The following DERA variants were observed in gnomAD, a reference collection of about 807,000 sequenced individuals.
The protein encoded by DERA is 2-deoxy-D-ribose 5-phosphate aldolase.
In DERA, 15 loss-of-function variants were observed where a neutral mutation model predicts 41.1. The observed-to-expected ratio is 0.37, with a 90% CI of 0.24 to 0.56. The LOEUF (loss-of-function observed/expected upper bound fraction) is 0.56. DERA is among the 20% of genes least tolerant of loss of function. DERA has a pLI of 0.81. For missense variants in DERA, 396 were observed against 403.4 expected (o/e 0.98, Z 0.16); for synonymous variants, 139 against 137.4 (o/e 1.01, Z -0.08).
At chr12:15,997,432 C>T (rs981885241) in intron 6 of DERA, among the ~76,000 whole-genome samples, 58 of 151,966 alleles carry the variant, frequency 3.8e-4, no homozygotes, top group African/African-American at 1.2e-3. Flanking sequence ...TGAAGCAAGA[C>T]AAAGGTTACA....
chr12:16,002,362 C>G (rs1174607480), intron 6 of DERA, among the ~76,000 whole-genome samples: 2 of 152,040 alleles, frequency 1.3e-5, no homozygotes, highest in African/African-American at 4.8e-5. Context: ...AAATGTGGCT[C>G]TTATGTGTGA....
rs146879113 is a variant in DERA at position 15,988,273 on chromosome 12, G to A, written c.637+5837G>A. On this transcript the variant is annotated intron_variant, in intron 6 of 8. Transcript: ENST00000428559. This position sits in a 1 kb window ranked among gnomAD's most constrained non-coding sequence, Gnocchi z 6.0. ...TTTGTGTTACAGCTCTTTCAGTCCCGCCATTTGGTGGGTCCTGAGTTCTTG... is the reference window on the plus strand; with the variant it reads ...TTTGTGTTACAGCTCTTTCAGTCCCACCATTTGGTGGGTCCTGAGTTCTTG... 0.023 allele frequency among the ~76,000 whole-genome samples: 3,503 copies of A among 152,280 alleles called. 60 individuals carry two copies. Among genetic ancestry groups the A allele is most frequent in the Middle Eastern group, 0.041 (12 of 294 alleles).
chr12:15,926,542 C>G (rs1185951569), intron 1 of DERA, among the ~76,000 whole-genome samples: 1 of 151,962 alleles, frequency 6.6e-6, no homozygotes, highest in Non-Finnish European at 1.5e-5. Flanking sequence ...CGAGACCATC[C>G]TGGCTAACAC....
At chr12:15,963,951 T>A (rs958667385) in intron 5 of DERA, among the ~76,000 whole-genome samples, 1 of 152,216 alleles carries the variant, frequency 6.6e-6, no homozygotes, top group African/African-American at 2.4e-5. Context: ...CTTTTGGTTA[T>A]GAAGTAGCAA....
In DERA at chr12:16,035,156, G is replaced by C. The variant is rs149299327; in HGVS notation, c.751-1076G>C. Among the ~76,000 whole-genome samples, 1,110 of 152,106 alleles carry C rather than the reference G, an allele frequency of 7.3e-3. 13 individuals are homozygous for C. Among genetic ancestry groups the C allele is most frequent in the African/African-American group, 0.025 (1,038 of 41,506 alleles). ...GGAAAGAGTGCATGTGAGGGGGTAA[G>C]GAAGGTAAGGAGGTAGAATTGTCAG... On this transcript the variant is annotated intron_variant, in intron 7 of 8. Coordinates refer to ENST00000428559, the MANE Select transcript of DERA (RefSeq NM_015954.4). The surrounding 1 kb of genome is among the most constrained non-coding windows in gnomAD (Gnocchi z 4.1).
chr12:15,993,760 G>T lies in DERA; in HGVS notation c.637+11324G>T, dbSNP rs886787010. 1.3e-5 allele frequency among the ~76,000 whole-genome samples: 2 copies of T among 152,000 alleles called. No homozygotes were observed. The highest frequency in any genetic ancestry group is 4.8e-5 in the African/African-American group (2 of 41,400). On this transcript the variant is annotated intron_variant, in intron 6 of 8. Transcript: ENST00000428559. This position sits in a 1 kb window ranked among gnomAD's most constrained non-coding sequence, Gnocchi z 4.4. ...GGTCCCCAAGCAAAAATTTTATAAA[G>T]TTTACCCCCACCTGGCCCCTCGCTA...
In DERA at chr12:15,964,246, C is replaced by T. The variant is rs146199901; in HGVS notation, c.508+1299C>T. Among the ~76,000 whole-genome samples the T allele has an allele frequency of 6.7e-3, 1,019 of 152,276 alleles. 8 individuals are homozygous for T. The highest frequency in any genetic ancestry group is 0.031 in the South Asian group (149 of 4,820). On this transcript the variant is annotated intron_variant, in intron 5 of 8. Coordinates refer to ENST00000428559, the MANE Select transcript of DERA (RefSeq NM_015954.4). Reference sequence around the variant, plus strand: ...CACCTTTGTTTATTACACCTTTGCCCGTTGGCCTGAGCTGAGTGACGTGGC... The same window carrying T: ...CACCTTTGTTTATTACACCTTTGCCTGTTGGCCTGAGCTGAGTGACGTGGC...
intron 5 of DERA, among the ~76,000 whole-genome samples, chr12:15,974,973 G>C (rs1948687471): frequency 6.6e-6 from 1 of 151,916 alleles, no homozygotes; most frequent in Admixed American, 6.6e-5. Flanking sequence ...TTACTCAATT[G>C]GTTATAATCC....
chr12:15,993,815 T>C lies in DERA; in HGVS notation c.637+11379T>C, dbSNP rs531693322. Among the ~76,000 whole-genome samples the C allele has an allele frequency of 1.3e-5, 2 of 152,270 alleles. No homozygotes were observed. Among genetic ancestry groups the C allele is most frequent in the South Asian group, 4.1e-4 (2 of 4,824 alleles). ...TTGTTGAGTGGAAAACACAGAGCTC[T>C]GTAGAGGAAAGAAGTTATCGTATTT... On this transcript the variant is annotated intron_variant, in intron 6 of 8. Transcript: ENST00000428559. This position sits in a 1 kb window ranked among gnomAD's most constrained non-coding sequence, Gnocchi z 4.4.
intron 1 of DERA, among the ~76,000 whole-genome samples, chr12:15,955,984 C>A (rs1456083893): frequency 6.6e-6 from 1 of 152,118 alleles, no homozygotes; most frequent in Admixed American, 6.5e-5. Flanking sequence ...ATGTTCATGT[C>A]CGATTTACCG....
At chr12:15,971,283 C>T (rs147356572) in intron 5 of DERA, among the ~76,000 whole-genome samples, 42 of 152,182 alleles carry the variant, frequency 2.8e-4, no homozygotes, top group African/African-American at 9.9e-4. Context: ...ACATGTGCTC[C>T]TAGGCTCTTG....
At position 15,913,680 on chromosome 12, in the gene DERA, G is replaced by T. The variant is rs190017568; in HGVS notation, c.31+2266G>T. ...TAGTTCATGGACTTAAAAAAACATT[G>T]AGTTCCTTTGAGACTAAACCTGACC... On this transcript the variant is annotated intron_variant, in intron 1 of 8. Coordinates refer to ENST00000428559, the MANE Select transcript of DERA (RefSeq NM_015954.4). This position sits in a 1 kb window ranked among gnomAD's most constrained non-coding sequence, Gnocchi z 4.5. Among the ~76,000 whole-genome samples, 1,264 of 152,188 alleles carry T rather than the reference G, an allele frequency of 8.3e-3. 20 individuals carry two copies. Among genetic ancestry groups the T allele is most frequent in the African/African-American group, 0.029 (1,200 of 41,514 alleles).
In DERA at chr12:16,036,205, T is replaced by G; in HGVS notation, c.751-27T>G. On this transcript the variant is annotated intron_variant, in intron 7 of 8. Transcript: ENST00000428559. The surrounding 1 kb of genome is among the most constrained non-coding windows in gnomAD (Gnocchi z 4.9). ...AAAGAAATCCAATAACAATAAAGAT[T>G]GTTCTATTCTCTGCCTTCCCATTTA... is the stretch of plus-strand genomic sequence containing the variant. 6.5e-7 allele frequency: 1 copy of G among 1,537,522 alleles called. No homozygotes were observed. The highest frequency in any genetic ancestry group is 8.8e-7 in the Non-Finnish European group (1 of 1,142,244).
In DERA at chr12:16,012,704, G is replaced by A. The variant is rs1948954652; in HGVS notation, c.638-19838G>A. Reference sequence around the variant, plus strand: ...TTTAAAGATATTGGTGTAAAATGGTGTCAAATTGTTAACCTACAGAGTGAT... The same window carrying A: ...TTTAAAGATATTGGTGTAAAATGGTATCAAATTGTTAACCTACAGAGTGAT... On this transcript the variant is annotated intron_variant, in intron 6 of 8. Coordinates refer to ENST00000428559, the MANE Select transcript of DERA (RefSeq NM_015954.4). The surrounding 1 kb of genome is among the most constrained non-coding windows in gnomAD (Gnocchi z 4.1). Among the ~76,000 whole-genome samples the A allele has an allele frequency of 6.6e-6, 1 of 152,098 alleles. No homozygotes were observed. Among genetic ancestry groups the A allele is most frequent in the Non-Finnish European group, 1.5e-5 (1 of 68,016 alleles).
rs1183821480 is a variant in DERA, at chr12:15,992,401, G to T, written c.637+9965G>T. 3.3e-5 allele frequency among the ~76,000 whole-genome samples: 5 copies of T among 152,092 alleles called. No homozygotes were observed. Among genetic ancestry groups the T allele is most frequent in the African/African-American group, 1.2e-4 (5 of 41,422 alleles). ...TTAACAAGGATATTGTATTTCTAAA[G>T]CAATGTAAGGTATGACAAGGATATT... On this transcript the variant is annotated intron_variant, in intron 6 of 8. Coordinates refer to ENST00000428559, the MANE Select transcript of DERA (RefSeq NM_015954.4). This position sits in a 1 kb window ranked among gnomAD's most constrained non-coding sequence, Gnocchi z 4.3.
Position 16,031,405 on chromosome 12 carries a change from C to T in DERA, c.638-1137C>T, listed in dbSNP as rs997652944. ...TCGTTAATGGACTTTGGGAGGATCT[C>T]AGAGACTTGTTTTAGGTATGGTGCC... On this transcript the variant is annotated intron_variant, in intron 6 of 8. Transcript: ENST00000428559. Among the ~76,000 whole-genome samples, 8 of 152,320 alleles carry T rather than the reference C, an allele frequency of 5.3e-5. No individual in the cohort carries two copies. In the South Asian group the frequency reaches 1.7e-3, roughly 32 times the overall value.
At position 15,981,099 on chromosome 12, in the gene DERA, A is replaced by G. The variant is rs1355476350; in HGVS notation, c.509-1209A>G. On this transcript the variant is annotated intron_variant, in intron 5 of 8. Transcript: ENST00000428559. This position sits in a 1 kb window ranked among gnomAD's most constrained non-coding sequence, Gnocchi z 6.1. ...CACCGTGGCTCACACCTGTAATCCC[A>G]GCACTTTGGGACGCTGAGGCAGGCG... 1.3e-5 allele frequency among the ~76,000 whole-genome samples: 2 copies of G among 152,156 alleles called. No individual in the cohort carries two copies. The highest frequency in any genetic ancestry group is 2.9e-5 in the Non-Finnish European group (2 of 68,030).
At chr12:15,955,872 C>T (rs1948534307) in intron 1 of DERA, among the ~76,000 whole-genome samples, 1 of 152,102 alleles carries the variant, frequency 6.6e-6, no homozygotes, top group South Asian at 2.1e-4. Context: ...TGCATTTTTT[C>T]TAATGGATAA....
chr12:15,911,584 C>A lies in DERA; in HGVS notation c.31+170C>A. Reference sequence around the variant, plus strand: ...CCCTCACCCCAAGTAAAGGCCGAACCCGGCACGTTCGCGCCGCTTGTCTTT... The same window carrying A: ...CCCTCACCCCAAGTAAAGGCCGAACACGGCACGTTCGCGCCGCTTGTCTTT... On this transcript the variant is annotated intron_variant, in intron 1 of 8. Transcript: ENST00000428559. This position sits in a 1 kb window ranked among gnomAD's most constrained non-coding sequence, Gnocchi z 4.5. 1 of 735,372 alleles carries A rather than the reference C, an allele frequency of 1.4e-6. No individual in the cohort carries two copies. Among genetic ancestry groups the A allele is most frequent in the Non-Finnish European group, 2.4e-6 (1 of 423,036 alleles). 45.6% of individuals were successfully genotyped at this position (735,372 alleles called of 1,614,324 possible).
Sources: gnomAD v4.1 joint callset for allele counts (sites outside exome capture counted in the v4.1 genomes callset) on GRCh38, gnomAD v4.1.1 for gene constraint, Gnocchi (gnomAD v3.1) non-coding constraint, MANE v1.5 for transcripts, NCBI Gene and HGNC (gene_info 2026-07-23, HGNC 2026-07-21) for gene names.